The following TPTE2 variants were observed in gnomAD, a reference collection of about 807,000 sequenced individuals.
The protein encoded by TPTE2 is transmembrane phosphoinositide 3-phosphatase and tensin homolog 2, also known as phosphatidylinositol 3,4,5-trisphosphate 3-phosphatase TPTE2.
In TPTE2, 53 loss-of-function variants were observed where a neutral mutation model predicts 78.6. The ratio of observed to expected loss-of-function variants is 0.67; its 90% CI spans 0.54 to 0.85. The LOEUF (loss-of-function observed/expected upper bound fraction) is 0.85. Ranked by LOEUF, TPTE2 falls within the 40% of genes least tolerant of loss-of-function variation. The pLI is 0.00. For missense variants in TPTE2, 461 were observed against 623.0 expected, an observed-to-expected ratio of 0.74 and a Z score of 2.77; for synonymous variants, 175 against 206.2, an observed-to-expected ratio of 0.85 and a Z score of 1.30.
chr13:19,429,577 T>C (rs1464622745), intron 17 of TPTE2, among the ~76,000 whole-genome samples: 1 of 151,978 alleles, frequency 6.6e-6, no homozygotes, highest in Non-Finnish European at 1.5e-5. Context: ...AAATAATAGT[T>C]GAAGTAAGGG....
rs1467061410 is a variant in TPTE2, at chr13:19,431,011, T to C, written c.1223-464A>G. ...GCGTGGTGGCACATGCCTGTAATCC[T>C]AGCTACTTGGGAGGCTGAGACAGGA... On this transcript the variant is annotated intron_variant, in intron 16 of 19. Coordinates refer to ENST00000400230, the Ensembl canonical transcript of TPTE2. 2.6e-5 allele frequency among the ~76,000 whole-genome samples: 4 copies of C among 151,296 alleles called. No individual in the cohort carries two copies. The South Asian group carries it at 6.3e-4, about 24-fold the overall frequency.
At chr13:19,500,217 A>T (rs1326375454) in intron 1 of TPTE2, among the ~76,000 whole-genome samples, 1 of 150,528 alleles carries the variant, frequency 6.6e-6, no homozygotes, top group Non-Finnish European at 1.5e-5. Context: ...ATTCTACCAG[A>T]GGTACAAGGA....
chr13:19,530,611 C>T (rs911258221), intron 1 of TPTE2, among the ~76,000 whole-genome samples: 1 of 152,060 alleles, frequency 6.6e-6, no homozygotes, highest in Non-Finnish European at 1.5e-5. Flanking sequence ...GTGGCATGAT[C>T]GCAGATCACT....
chr13:19,435,754 AG>A (rs1472377940), intron 15 of TPTE2, among the ~76,000 whole-genome samples: 2 of 115,352 alleles, frequency 1.7e-5, no homozygotes, highest in Non-Finnish European at 1.8e-5. Context: ...CACACAGAAA[AG>A]ACACACACAC....
intron 18 of TPTE2, 133 bp downstream of exon 21, chr13:19,426,292 A>T (rs1358232304): frequency 1.5e-6 from 1 of 670,244 alleles, no homozygotes; most frequent in Middle Eastern, 2.5e-4. Flanking sequence ...TTTTAAAAAA[A>T]TTTGTTATAG....
upstream of TPTE2, among the ~76,000 whole-genome samples, chr13:19,503,499 A>G (rs371115751): frequency 1.1e-4 from 16 of 152,336 alleles, no homozygotes; most frequent in African/African-American, 3.6e-4. Context: ...ATACTTTCAG[A>G]TTTAAATAAA....
At chr13:19,560,645 C>T in the TPTE2 span, 10 of 1,563,024 alleles carry the variant, frequency 6.4e-6, no homozygotes, top group African/African-American at 1.2e-4. Flanking sequence ...CCAGCAGGGT[C>T]GGGCAAGGCA....
chr13:19,538,280 G>A (rs796205654), upstream of TPTE2, among the ~76,000 whole-genome samples: 6 of 152,168 alleles, frequency 3.9e-5, no homozygotes, highest in African/African-American at 1.4e-4. Context: ...GAGTGCAGTG[G>A]CGCCAGCTCG....
intron 5 of TPTE2, 100 bp from the exon 9 acceptor site, chr13:19,474,175 A>T: frequency 8.6e-7 from 1 of 1,164,662 alleles, no homozygotes; most frequent in Non-Finnish European, 1.1e-6. Context: ...TAAGCCACTG[A>T]TCAGGTACCA....
intron 1 of TPTE2, among the ~76,000 whole-genome samples, chr13:19,496,640 C>T (rs192454335): frequency 3.9e-5 from 6 of 152,346 alleles, no homozygotes; most frequent in African/African-American, 1.4e-4. Flanking sequence ...GTTCCATTAG[C>T]TCTGTTCTTT....
chr13:19,560,905 G>A, the TPTE2 span: 2 of 1,586,758 alleles, frequency 1.3e-6, no homozygotes, highest in Admixed American at 3.6e-5. Flanking sequence ...CACACTCGTT[G>A]GAGGCCAGAC....
chr13:19,559,069 T>C, the TPTE2 span, among the ~76,000 whole-genome samples: 1 of 152,234 alleles, frequency 6.6e-6, no homozygotes, highest in Non-Finnish European at 1.5e-5. Context: ...CATTTCAAAG[T>C]AGATTTAACA....
At chr13:19,517,454 G>A (rs1203745616) in intron 1 of TPTE2, among the ~76,000 whole-genome samples, 3 of 152,162 alleles carry the variant, frequency 2.0e-5, no homozygotes, top group African/African-American at 7.2e-5. Context: ...GTCCCTGGGA[G>A]GGGAAAGGAA....
chr13:19,479,392 A>G (rs1213586140), intron 4 of TPTE2, among the ~76,000 whole-genome samples: 1 of 152,208 alleles, frequency 6.6e-6, no homozygotes, highest in Non-Finnish European at 1.5e-5. Flanking sequence ...TTTAAATATA[A>G]ACATTGATAG....
chr13:19,545,149 C>A, the TPTE2 span, among the ~76,000 whole-genome samples: 4 of 151,922 alleles, frequency 2.6e-5, no homozygotes, highest in Non-Finnish European at 5.9e-5. Context: ...ATGAAAAGTG[C>A]ACAAATGAGT....
the TPTE2 span, among the ~76,000 whole-genome samples, chr13:19,546,483 C>CTTTTTTTTTTTTT: frequency 4.7e-5 from 4 of 85,022 alleles, no homozygotes; most frequent in Admixed American, 1.9e-4. Context: ...TTTTCTTTTT[C>CTTTTTTTTTTTTT]TTTTTTTTTT....
At chr13:19,495,897 C>T (rs771959711) in intron 1 of TPTE2, among the ~76,000 whole-genome samples, 15 of 152,078 alleles carry the variant, frequency 9.9e-5, no homozygotes, top group Non-Finnish European at 1.6e-4. Flanking sequence ...GAGACAGAGT[C>T]TCACTCTGTC....
chr13:19,544,941 CACA>C, the TPTE2 span, among the ~76,000 whole-genome samples: 1 of 68,552 alleles, frequency 1.5e-5, no homozygotes, highest in Admixed American at 1.2e-4. Context: ...CACTCACACA[CACA>C]CACACACACA....
upstream of TPTE2, among the ~76,000 whole-genome samples, chr13:19,537,936 T>G (rs1871302553): frequency 6.6e-6 from 1 of 152,250 alleles, no homozygotes; most frequent in African/African-American, 2.4e-5. Context: ...CTATTTTTCC[T>G]CTGGGCAAAA....
Sources: gnomAD v4.1 joint callset for allele counts (sites outside exome capture counted in the v4.1 genomes callset) on GRCh38, gnomAD v4.1.1 for gene constraint, MANE v1.5 for transcripts, NCBI Gene and HGNC (gene_info 2026-07-23, HGNC 2026-07-21) for gene names.